Variants in DYNC2H1 observed in about 807,000 individuals in gnomAD.
DYNC2H1 encodes the protein cytoplasmic dynein 2 heavy chain 1.
Under a neutral mutation model 570.0 loss-of-function variants are expected in DYNC2H1, and 410 were observed. That is an observed-to-expected ratio of 0.72 (90% CI 0.66 to 0.78). The LOEUF is 0.78. Among genes scored for constraint, DYNC2H1 ranks in the 30% least tolerant of loss-of-function variants. DYNC2H1 has a pLI of 0.00. For synonymous variants in DYNC2H1, 1,688 were observed against 1,677.6 expected (o/e 1.01, Z -0.15); for missense variants, 4,865 against 5,046.4 (o/e 0.96, Z 1.09).
chr11:103,414,308 A>G (rs1345232790), intron 84 of DYNC2H1, among the ~76,000 whole-genome samples: 3 of 152,166 alleles, frequency 2.0e-5, no homozygotes, highest in Non-Finnish European at 4.4e-5. Flanking sequence ...CTTAGGTGAA[A>G]TACACAAATT....
chr11:103,415,245 C>T (rs1268466016), intron 84 of DYNC2H1, among the ~76,000 whole-genome samples: 5 of 152,148 alleles, frequency 3.3e-5, no homozygotes, highest in Non-Finnish European at 7.4e-5. Context: ...CCATTCAGGA[C>T]ATAGGCATGG....
chr11:103,174,667 T>C (rs1010451776), intron 36 of DYNC2H1, among the ~76,000 whole-genome samples: 2 of 152,180 alleles, frequency 1.3e-5, no homozygotes, highest in South Asian at 4.1e-4. Context: ...TAGTATATTA[T>C]GATTAGACTA....
chr11:103,418,503 G>T (rs1444292151), intron 84 of DYNC2H1, among the ~76,000 whole-genome samples: 2 of 152,206 alleles, frequency 1.3e-5, no homozygotes, highest in Non-Finnish European at 2.9e-5. Context: ...TGCATTGAAA[G>T]ATGTACTGTG....
chr11:103,152,964 A>G (rs1467735668), intron 21 of DYNC2H1, among the ~76,000 whole-genome samples: 2 of 152,174 alleles, frequency 1.3e-5, no homozygotes, highest in South Asian at 2.1e-4. Flanking sequence ...TAGCAGCTAT[A>G]TACTCAGGTA....
intron 10 of DYNC2H1, among the ~76,000 whole-genome samples, chr11:103,122,553 T>G (rs1412704380): frequency 6.6e-6 from 1 of 152,228 alleles, no homozygotes; most frequent in East Asian, 1.9e-4. Context: ...ACAGATATTT[T>G]GAGGGCTGAC....
rs1265329095 is a variant in DYNC2H1, at chr11:103,170,900, G to A, written c.5166G>A (p.Lys1722=). 6.5e-7 allele frequency: 1 copy of A among 1,547,142 alleles called. No homozygotes were observed. The highest frequency in any genetic ancestry group is 8.8e-7 in the Non-Finnish European group (1 of 1,139,902). Residue 1722 remains lysine, a synonymous_variant, in exon 34 of 89, where the codon AAG becomes AAA. Coordinates refer to ENST00000375735, the MANE Select transcript of DYNC2H1 (RefSeq NM_001377.3). This position sits in a 1 kb window ranked among gnomAD's most constrained non-coding sequence, Gnocchi z 4.8. ...VFNCDEGIDV[K]SMGRIFVGLV... The stretch of plus-strand genomic sequence containing the variant: ...TTGTTTTTAAGGGCATCGATGTGAA[G>A]TCAATGGGACGAATATTTGTTGGTT...
At chr11:103,376,234 C>A (rs1164562742) in intron 83 of DYNC2H1, among the ~76,000 whole-genome samples, 1 of 152,210 alleles carries the variant, frequency 6.6e-6, no homozygotes, top group Non-Finnish European at 1.5e-5. Context: ...AAACTCTTCT[C>A]TTTGTAAATT....
At position 103,241,566 on chromosome 11, in the gene DYNC2H1, T is replaced by A; in HGVS notation, c.9820-2127T>A. The A allele has an allele frequency of 6.4e-7, 1 of 1,556,768 alleles. No individual in the cohort carries two copies. The highest frequency in any genetic ancestry group is 1.4e-5 in the African/African-American group (1 of 73,536). On this transcript the variant is annotated intron_variant, in intron 63 of 88. Transcript: ENST00000375735. The surrounding 1 kb of genome is among the most constrained non-coding windows in gnomAD (Gnocchi z 5.1). ...ATCATGGGTAAGAACTTTTTAAAAATTTAAAATAATTACTTTTGTAGTTAG... is the reference window on the plus strand; with the variant it reads ...ATCATGGGTAAGAACTTTTTAAAAAATTAAAATAATTACTTTTGTAGTTAG...
chr11:103,262,993 G>A (rs929613205), intron 70 of DYNC2H1, among the ~76,000 whole-genome samples: 3 of 135,728 alleles, frequency 2.2e-5, no homozygotes, highest in Non-Finnish European at 3.1e-5. Context: ...ATAAAGGGAT[G>A]GAGGAATATT....
chr11:103,173,705 C>T (rs764553107), intron 35 of DYNC2H1, among the ~76,000 whole-genome samples: 3 of 152,094 alleles, frequency 2.0e-5, no homozygotes, highest in Non-Finnish European at 4.4e-5. Context: ...ATGTACAATT[C>T]TCTTCCATAT....
At chr11:103,119,681 G>T (rs907163301) in intron 6 of DYNC2H1, among the ~76,000 whole-genome samples, 1 of 152,094 alleles carries the variant, frequency 6.6e-6, no homozygotes, top group Non-Finnish European at 1.5e-5. Context: ...CCCCAAAAAT[G>T]TTCCAGCCCA....
intron 65 of DYNC2H1, among the ~76,000 whole-genome samples, chr11:103,248,461 A>C (rs1455572591): frequency 6.6e-6 from 1 of 152,014 alleles, no homozygotes; most frequent in Non-Finnish European, 1.5e-5. Context: ...AAAGAATATA[A>C]AAGAGAAATA....
rs776162975 is a variant in DYNC2H1 at position 103,109,611 on chromosome 11, A to G, written c.37A>G (p.Ile13Val). The G allele has an allele frequency of 4.3e-6, 7 of 1,613,652 alleles. No individual in the cohort carries two copies. In the South Asian group the frequency reaches 5.5e-5, roughly 13 times the overall value. ...NGTADVRKLF[I>V]FTTTQNYFGL... is the part of the protein sequence containing the mutation. ...GACTGCGGACGTTCGGAAGCTCTTC[A>G]TCTTCACTACTACCCAGAATTACTT... is the stretch of plus-strand genomic sequence containing the variant. The change falls in exon 1 of 89, where the codon ATC becomes GTC. Residue 13 changes from isoleucine to valine, a missense_variant. By Grantham distance (29) the Ile-to-Val change is conservative. Coordinates refer to ENST00000375735, the MANE Select transcript of DYNC2H1 (RefSeq NM_001377.3).
chr11:103,211,624 T>C (rs1863157064), intron 53 of DYNC2H1, among the ~76,000 whole-genome samples, 165 bp from the exon 54 acceptor site: 1 of 152,112 alleles, frequency 6.6e-6, no homozygotes, highest in Non-Finnish European at 1.5e-5. Flanking sequence ...CTGTGAATAG[T>C]TGTCTAGGAA....
intron 84 of DYNC2H1, among the ~76,000 whole-genome samples, chr11:103,416,708 A>C (rs1943296542): frequency 6.6e-6 from 1 of 152,248 alleles, no homozygotes; most frequent in South Asian, 2.1e-4. Flanking sequence ...AGGCAATACC[A>C]TTCAGGACAT....
chr11:103,133,782 A>G lies in DYNC2H1; in HGVS notation c.2106+75A>G. ...AAGTCATTAAGATACAATTTTTAAA[A>G]ACTTATTTTGAAATAATTTGAGACT... On this transcript the variant is annotated intron_variant, in intron 14 of 88. Coordinates refer to ENST00000375735, the MANE Select transcript of DYNC2H1 (RefSeq NM_001377.3). This position sits in a 1 kb window ranked among gnomAD's most constrained non-coding sequence, Gnocchi z 4.8. 1 of 1,407,022 alleles carries G rather than the reference A, an allele frequency of 7.1e-7. No homozygotes were observed. The highest frequency in any genetic ancestry group is 1.4e-5 in the South Asian group (1 of 69,048). 87.2% of individuals were successfully genotyped at this position (1,407,022 alleles called of 1,614,324 possible). A position where few individuals can be genotyped will look rare whatever the true frequency, so the allele number is the denominator to read the frequency against.
intron 75 of DYNC2H1, among the ~76,000 whole-genome samples, chr11:103,297,288 CAT>C (rs1171368130): frequency 6.6e-6 from 1 of 152,074 alleles, no homozygotes; most frequent in African/African-American, 2.4e-5. Flanking sequence ...AAAGTACAGT[CAT>C]GTGTTGTTAA....
rs1438527774 is a variant in DYNC2H1, at chr11:103,129,075, G to A, written c.1953+70G>A. On this transcript the variant is annotated intron_variant, in intron 13 of 88. Transcript: ENST00000375735. This position sits in a 1 kb window ranked among gnomAD's most constrained non-coding sequence, Gnocchi z 4.1. The stretch of plus-strand genomic sequence containing the variant: ...AGTGTTTAATTCTTAATTTTCCGGT[G>A]TTCCCTTCAGCTTAATATATCAAAT... The A allele has an allele frequency of 1.5e-5, 20 of 1,320,326 alleles. No homozygotes were observed. Among genetic ancestry groups the A allele is most frequent in the African/African-American group, 3.0e-5 (2 of 66,676 alleles). The allele number at this position is 1,320,326 out of a possible 1,614,324, so 81.8% of individuals were successfully genotyped here. A position where few individuals can be genotyped will look rare whatever the true frequency, so the allele number is the denominator to read the frequency against.
In DYNC2H1 at chr11:103,395,242, T is replaced by G. The variant is rs1266310666; in HGVS notation, c.12157-4421T>G. Among the ~76,000 whole-genome samples the G allele has an allele frequency of 6.6e-6, 1 of 152,140 alleles. No individual in the cohort carries two copies. The highest frequency in any genetic ancestry group is 1.5e-5 in the Non-Finnish European group (1 of 68,026). On this transcript the variant is annotated intron_variant, in intron 83 of 88. Transcript: ENST00000375735. This position sits in a 1 kb window ranked among gnomAD's most constrained non-coding sequence, Gnocchi z 4.3. ...GTGAAAAATGGAAATGTATGGTGTA[T>G]ATGATTGAAAAGGTGTTAAAATGTT...
Sources: gnomAD v4.1 joint callset for allele counts (sites outside exome capture counted in the v4.1 genomes callset) on GRCh38, gnomAD v4.1.1 for gene constraint, Gnocchi (gnomAD v3.1) non-coding constraint, MANE v1.5 for transcripts, NCBI Gene and HGNC (gene_info 2026-07-23, HGNC 2026-07-21) for gene names.